The following RBM47 variants were observed in gnomAD, a reference collection of about 807,000 sequenced individuals.
RBM47 encodes the protein RNA binding motif protein 47.
A neutral mutation model predicts 47.1 loss-of-function variants in RBM47; 21 were observed. That is an observed-to-expected ratio of 0.45 (90% CI 0.32 to 0.64). RBM47 has a LOEUF of 0.64. RBM47 is among the 30% of genes least tolerant of loss of function. The probability of loss-of-function intolerance (pLI) is 0.05; values close to 1 mark genes in which losing one functional copy is unlikely to be tolerated. For missense variants in RBM47, 708 were observed against 870.9 expected, an observed-to-expected ratio of 0.81 and a Z score of 2.35; for synonymous variants, 375 against 361.7, an observed-to-expected ratio of 1.04 and a Z score of -0.42.
chr4:40,591,121 G>GA (rs1734097987), intron 1 of RBM47, among the ~76,000 whole-genome samples: 1 of 152,082 alleles, frequency 6.6e-6, no homozygotes, highest in Non-Finnish European at 1.5e-5. Context: ...CCATTTATAT[G>GA]AAAAATCTAG....
chr4:40,560,941 G>A (rs1730552180), intron 1 of RBM47, among the ~76,000 whole-genome samples: 1 of 151,474 alleles, frequency 6.6e-6, no homozygotes, highest in African/African-American at 2.4e-5. Flanking sequence ...CTTCAGCCTG[G>A]GCAAAAAGTA....
At chr4:40,509,438 A>G (rs758413990) in intron 2 of RBM47, among the ~76,000 whole-genome samples, 18 of 152,168 alleles carry the variant, frequency 1.2e-4, no homozygotes, top group Non-Finnish European at 2.4e-4. Context: ...AAGGTTATCC[A>G]TAGAAATTTA....
In RBM47 at chr4:40,554,600, G is replaced by C. The variant is rs76786012; in HGVS notation, c.-239-10094C>G. On this transcript the variant is annotated intron_variant, in intron 1 of 6. Transcript: ENST00000295971. ...CAAGATGTACATCTCACCTGTAAGAGGCACTACAACTCTGAAAAACCAAGT... is the reference window on the plus strand; with the variant it reads ...CAAGATGTACATCTCACCTGTAAGACGCACTACAACTCTGAAAAACCAAGT... Among the ~76,000 whole-genome samples the C allele has an allele frequency of 4.5e-3, 691 of 152,082 alleles. 7 individuals are homozygous for C. Among genetic ancestry groups the C allele is most frequent in the African/African-American group, 0.016 (659 of 41,472 alleles).
chr4:40,502,747 G>T (rs1723542299), intron 2 of RBM47, among the ~76,000 whole-genome samples: 1 of 152,134 alleles, frequency 6.6e-6, no homozygotes, highest in South Asian at 2.1e-4. Context: ...TCAGGAGGTT[G>T]AGGCAGGAAG....
chr4:40,626,065 T>C (rs1033383943), intron 1 of RBM47, among the ~76,000 whole-genome samples: 3 of 152,212 alleles, frequency 2.0e-5, no homozygotes, highest in Admixed American at 6.5e-5. Context: ...GATCAGCTTA[T>C]TTATGTATTT....
At chr4:40,538,125 G>T (rs1282126924) in intron 2 of RBM47, among the ~76,000 whole-genome samples, 1 of 152,054 alleles carries the variant, frequency 6.6e-6, no homozygotes, top group Non-Finnish European at 1.5e-5. Context: ...ATACCAGCAG[G>T]CTCCATACCT....
intron 1 of RBM47, among the ~76,000 whole-genome samples, chr4:40,558,638 G>A (rs935417626): frequency 6.6e-6 from 1 of 151,936 alleles, no homozygotes; most frequent in Non-Finnish European, 1.5e-5. Context: ...GACTAGCCTG[G>A]CCAACATGGT....
chr4:40,583,892 AC>A, intron 1 of RBM47, among the ~76,000 whole-genome samples: 1 of 150,218 alleles, frequency 6.7e-6, no homozygotes, highest in Non-Finnish European at 1.5e-5. Flanking sequence ...AAACAAAAAA[AC>A]CAAAAAGCAG....
At chr4:40,590,990 T>G (rs1734084516) in intron 1 of RBM47, among the ~76,000 whole-genome samples, 1 of 151,862 alleles carries the variant, frequency 6.6e-6, no homozygotes, top group Non-Finnish European at 1.5e-5. Flanking sequence ...TTTAGTAGAG[T>G]CGGGGTTTCC....
intron 2 of RBM47, among the ~76,000 whole-genome samples, chr4:40,492,836 T>A (rs904747186): frequency 6.6e-6 from 1 of 152,064 alleles, no homozygotes; most frequent in Non-Finnish European, 1.5e-5. Flanking sequence ...AGGATGGGAA[T>A]CAGGGGGCTG....
chr4:40,584,447 C>T (rs1733336664), intron 1 of RBM47, among the ~76,000 whole-genome samples: 1 of 152,104 alleles, frequency 6.6e-6, no homozygotes, highest in Non-Finnish European at 1.5e-5. Flanking sequence ...ATTTTAAAAG[C>T]GTAAAAAACA....
intron 2 of RBM47, among the ~76,000 whole-genome samples, chr4:40,522,969 T>C (rs961135768): frequency 3.1e-5 from 2 of 63,516 alleles, no homozygotes; most frequent in Admixed American, 1.2e-4. Flanking sequence ...TCAAAAATCT[T>C]TTTTTTTTTT....
chr4:40,560,719 C>A (rs1420128947), intron 1 of RBM47, among the ~76,000 whole-genome samples: 4 of 152,214 alleles, frequency 2.6e-5, no homozygotes, highest in African/African-American at 9.6e-5. Flanking sequence ...GTAATCCCAG[C>A]ACTTTGGGAG....
chr4:40,453,927 C>A (rs1715837675), intron 3 of RBM47, among the ~76,000 whole-genome samples: 1 of 151,938 alleles, frequency 6.6e-6, no homozygotes, highest in East Asian at 1.9e-4. Flanking sequence ...TGATAGTTAA[C>A]TATTTTTTTG....
intron 6 of RBM47, among the ~76,000 whole-genome samples, chr4:40,429,917 G>A (rs935342418): frequency 6.4e-4 from 97 of 152,068 alleles, no homozygotes; most frequent in African/African-American, 2.1e-3. Context: ...GATGGTGGCC[G>A]GGCGCGGTGG....
intron 1 of RBM47, among the ~76,000 whole-genome samples, chr4:40,594,428 T>C (rs1441130155): frequency 1.3e-5 from 2 of 152,186 alleles, no homozygotes; most frequent in African/African-American, 4.8e-5. Context: ...TCTTCCAGAA[T>C]TGACGACACA....
intron 2 of RBM47, among the ~76,000 whole-genome samples, chr4:40,527,204 C>T (rs1726813870): frequency 6.6e-6 from 1 of 152,098 alleles, no homozygotes; most frequent in Non-Finnish European, 1.5e-5. Context: ...CTCACTGCAA[C>T]CTCCACCTCC....
At chr4:40,463,547 A>AT (rs1359972358) in intron 3 of RBM47, among the ~76,000 whole-genome samples, 2 of 152,178 alleles carry the variant, frequency 1.3e-5, no homozygotes, top group East Asian at 3.9e-4. Flanking sequence ...AGAAATGAAC[A>AT]TAAGTGGTAA....
chr4:40,544,965 C>G, intron 1 of RBM47, among the ~76,000 whole-genome samples: 1 of 151,068 alleles, frequency 6.6e-6, no homozygotes, highest in East Asian at 2.0e-4. Context: ...GGAGCTGAGG[C>G]GAGAGGATCA....
Sources: gnomAD v4.1 joint callset for allele counts (sites outside exome capture counted in the v4.1 genomes callset) on GRCh38, gnomAD v4.1.1 for gene constraint, MANE v1.5 for transcripts, NCBI Gene and HGNC (gene_info 2026-07-23, HGNC 2026-07-21) for gene names.